FARS2: variants seen among roughly 807,000 people sequenced by gnomAD.
FARS2 encodes phenylalanine--tRNA ligase, mitochondrial.
Under a neutral mutation model 46.4 loss-of-function variants are expected in FARS2, and 40 were observed. The ratio of observed to expected loss-of-function variants is 0.86; its 90% confidence interval spans 0.67 to 1.12. The LOEUF is 1.12. Among genes scored for constraint, FARS2 ranks in the 50% most tolerant of loss-of-function variants. FARS2 has a pLI of 0.00. For synonymous variants in FARS2, 234 were observed against 214.9 expected, an observed-to-expected ratio of 1.09 and a Z score of -0.78; for missense variants, 513 against 567.9, an observed-to-expected ratio of 0.90 and a Z score of 0.98.
chr6:5,636,069 T>A (rs1004307320), intron 6 of FARS2, among the ~76,000 whole-genome samples: 2 of 151,838 alleles, frequency 1.3e-5, no homozygotes, highest in African/African-American at 4.8e-5. Flanking sequence ...CTTGTGGGAG[T>A]GGCGCTTTAA....
At chr6:5,503,792 C>T (rs1767946760) in intron 4 of FARS2, among the ~76,000 whole-genome samples, 1 of 152,114 alleles carries the variant, frequency 6.6e-6, no homozygotes, top group Non-Finnish European at 1.5e-5. Context: ...ACACACCTCA[C>T]TGTGGGAAGA....
At chr6:5,385,488 C>T (rs1026611265) in intron 2 of FARS2, among the ~76,000 whole-genome samples, 118 of 151,164 alleles carry the variant, frequency 7.8e-4, no homozygotes, top group African/African-American at 2.7e-3. Flanking sequence ...GTGGCATGAC[C>T]TCGGCTCACT....
chr6:5,268,742 A>G (rs1765728707), intron 1 of FARS2, among the ~76,000 whole-genome samples: 1 of 152,166 alleles, frequency 6.6e-6, no homozygotes, highest in African/African-American at 2.4e-5. Context: ...CTGTGAAGAA[A>G]GTCATTGGTA....
At chr6:5,603,944 G>A (rs1223203088) in intron 5 of FARS2, among the ~76,000 whole-genome samples, 1 of 152,172 alleles carries the variant, frequency 6.6e-6, no homozygotes, top group Admixed American at 6.5e-5. Flanking sequence ...CTGCAGCTCA[G>A]AGGTTTTATA....
At chr6:5,747,399 G>A (rs1399443947) in intron 6 of FARS2, among the ~76,000 whole-genome samples, 3 of 152,228 alleles carry the variant, frequency 2.0e-5, no homozygotes, top group African/African-American at 7.2e-5. Flanking sequence ...ACAAGAGATG[G>A]TGGTGGTTGG....
chr6:5,560,746 T>C (rs1389880469), intron 5 of FARS2, among the ~76,000 whole-genome samples: 1 of 152,208 alleles, frequency 6.6e-6, no homozygotes, highest in East Asian at 1.9e-4. Flanking sequence ...TAAATAGTTA[T>C]TAGGCTATTC....
At chr6:5,693,765 G>C (rs1757920619) in intron 6 of FARS2, among the ~76,000 whole-genome samples, 1 of 152,188 alleles carries the variant, frequency 6.6e-6, no homozygotes, top group African/African-American at 2.4e-5. Context: ...GACGCTGGCT[G>C]GCTGCTGGGA....
At chr6:5,525,119 A>G (rs1170583457) in intron 4 of FARS2, among the ~76,000 whole-genome samples, 1 of 151,994 alleles carries the variant, frequency 6.6e-6, no homozygotes, top group Non-Finnish European at 1.5e-5. Context: ...TTCCTGGAAA[A>G]GAAATGGCTG....
At chr6:5,708,187 C>T (rs939327942) in intron 6 of FARS2, among the ~76,000 whole-genome samples, 7 of 152,090 alleles carry the variant, frequency 4.6e-5, no homozygotes, top group African/African-American at 1.7e-4. Context: ...AGGTAATGAT[C>T]AGTTATTGTA....
chr6:5,548,238 G>A (rs542586373), intron 5 of FARS2, among the ~76,000 whole-genome samples: 1 of 152,330 alleles, frequency 6.6e-6, no homozygotes, highest in African/African-American at 2.4e-5. Context: ...TACAATTGAA[G>A]TTGAGATTTG....
chr6:5,670,569 A>G (rs1181703636), intron 6 of FARS2, among the ~76,000 whole-genome samples: 3 of 152,200 alleles, frequency 2.0e-5, no homozygotes, highest in Admixed American at 2.0e-4. Context: ...AATGTAGAAT[A>G]TCATAATATT....
chr6:5,722,186 AT>A (rs1231299787), intron 6 of FARS2, among the ~76,000 whole-genome samples: 1 of 152,196 alleles, frequency 6.6e-6, no homozygotes, highest in Non-Finnish European at 1.5e-5. Context: ...CCACAGTTTT[AT>A]CTACTGTTGC....
At chr6:5,766,290 G>A (rs1762745317) in intron 6 of FARS2, among the ~76,000 whole-genome samples, 2 of 152,192 alleles carry the variant, frequency 1.3e-5, no homozygotes, top group East Asian at 3.8e-4. Flanking sequence ...GCCCACCCCG[G>A]CCCCCATGCT....
intron 1 of FARS2, among the ~76,000 whole-genome samples, chr6:5,316,766 A>G (rs981531371): frequency 5.3e-5 from 8 of 152,180 alleles, no homozygotes; most frequent in African/African-American, 1.9e-4. Context: ...TGGCAGAGGG[A>G]GGGGGAAAGT....
intron 5 of FARS2, among the ~76,000 whole-genome samples, chr6:5,585,668 A>G (rs1773573497): frequency 1.3e-5 from 2 of 151,968 alleles, no homozygotes; most frequent in South Asian, 4.1e-4. Context: ...TTGTGGCTGA[A>G]TAATAGTCTA....
chr6:5,555,402 T>G (rs1455960416), intron 5 of FARS2, among the ~76,000 whole-genome samples: 4 of 152,130 alleles, frequency 2.6e-5, no homozygotes, highest in Non-Finnish European at 5.9e-5. Context: ...ATGAATGTGG[T>G]GGTCAAAATT....
chr6:5,616,819 C>G (rs539605961), intron 6 of FARS2, among the ~76,000 whole-genome samples: 1 of 152,114 alleles, frequency 6.6e-6, no homozygotes, highest in African/African-American at 2.4e-5. Flanking sequence ...ATGGCCGTAG[C>G]TTCACCCTTG....
intron 6 of FARS2, among the ~76,000 whole-genome samples, chr6:5,769,510 G>A: frequency 6.6e-6 from 1 of 152,250 alleles, no homozygotes; most frequent in South Asian, 2.1e-4. Context: ...ACTCTACTTT[G>A]TGGGAGGTCC....
intron 5 of FARS2, among the ~76,000 whole-genome samples, chr6:5,551,223 C>T (rs750301102): frequency 5.3e-5 from 8 of 152,150 alleles, no homozygotes; most frequent in South Asian, 2.1e-4. Flanking sequence ...CTAATTCTGC[C>T]GCTATGAATG....
Sources: allele counts gnomAD v4.1 joint callset (sites outside exome capture counted in the v4.1 genomes callset), GRCh38; gene constraint gnomAD v4.1.1; transcripts MANE v1.5; gene names NCBI Gene and HGNC (gene_info 2026-07-23, HGNC 2026-07-21).